Variants in FER observed in about 807,000 individuals in gnomAD.
The protein encoded by FER is FER tyrosine kinase.
FER carries 63 observed loss-of-function variants against 111.0 expected under a neutral mutation model. The observed-to-expected ratio is 0.57, with a 90% CI of 0.46 to 0.70. The LOEUF (loss-of-function observed/expected upper bound fraction) is 0.70, where lower values mean the gene tolerates loss of function less well. FER is among the 30% of genes least tolerant of loss of function. FER has a pLI of 0.00. For missense variants in FER, 914 were observed against 954.0 expected (o/e 0.96, Z 0.55); for synonymous variants, 327 against 313.9 (o/e 1.04, Z -0.44).
At position 109,191,655 on chromosome 5, in the gene FER, C is replaced by T. The variant is rs1759392527; in HGVS notation, c.*4080C>T. The stretch of plus-strand genomic sequence containing the variant: ...ATATTACATTTCCATTATACTAAGT[C>T]AGTGTGAAAGTTTACCATCAAAATA... On this transcript the variant is annotated 3_prime_UTR_variant, in exon 20 of 20. Transcript: ENST00000281092. The T allele has an allele frequency of 6.6e-6, 1 of 152,098 alleles. No individual in the cohort carries two copies. The highest frequency in any genetic ancestry group is 1.5e-5 in the Non-Finnish European group (1 of 68,000). 9.4% of individuals were successfully genotyped at this position (152,098 alleles called of 1,614,324 possible).
chr5:108,816,267 C>T lies in FER; in HGVS notation c.208-16503C>T, dbSNP rs558833632. Among the ~76,000 whole-genome samples, 8 of 152,320 alleles carry T rather than the reference C, an allele frequency of 5.3e-5. No homozygotes were observed. The South Asian group carries it at 6.2e-4, about 12-fold the overall frequency. On this transcript the variant is annotated intron_variant, in intron 3 of 19. Coordinates refer to ENST00000281092, the MANE Select transcript of FER (RefSeq NM_005246.4). ...AACTATAACTAGCTTAACCATGCTG[C>T]GTAGGAATACATAGTAGACACACAC... is the stretch of plus-strand genomic sequence containing the variant.
intron 17 of FER, among the ~76,000 whole-genome samples, chr5:109,167,159 C>T (rs1756639153): frequency 6.6e-6 from 1 of 152,076 alleles, no homozygotes; most frequent in African/African-American, 2.4e-5. Flanking sequence ...TAACAGAGGA[C>T]TTGTTATGAG....
chr5:108,833,015 G>A, intron 4 of FER, 72 bp downstream of exon 4: 1 of 1,372,402 alleles, frequency 7.3e-7, no homozygotes, highest in Non-Finnish European at 9.8e-7. Context: ...TACCTTATTT[G>A]GCTTTAAAAA....
chr5:108,883,618 A>C, intron 9 of FER, 100 bp downstream of exon 9: 1 of 1,066,736 alleles, frequency 9.4e-7, no homozygotes, highest in Admixed American at 3.1e-5. Flanking sequence ...TTCTAGAAAC[A>C]GAAACTTTTA....
Position 108,973,528 on chromosome 5 carries a change from A to G in FER, c.1656+14181A>G, listed in dbSNP as rs574240760. On this transcript the variant is annotated intron_variant, in intron 13 of 19. Coordinates refer to ENST00000281092, the MANE Select transcript of FER (RefSeq NM_005246.4). ...GTTATTTATGTAACAATTTGTATATATTAAAACTACACCAAAAATGGATTT... is the reference window on the plus strand; with the variant it reads ...GTTATTTATGTAACAATTTGTATATGTTAAAACTACACCAAAAATGGATTT... 6.6e-5 allele frequency among the ~76,000 whole-genome samples: 10 copies of G among 152,238 alleles called. No homozygotes were observed. The South Asian group carries it at 1.9e-3, about 28-fold the overall frequency.
At chr5:109,031,513 A>G (rs1581724800) in intron 13 of FER, among the ~76,000 whole-genome samples, 2 of 152,304 alleles carry the variant, frequency 1.3e-5, no homozygotes, top group East Asian at 3.9e-4. Context: ...AAAGGGTTAC[A>G]CAATAAAGAG....
intron 5 of FER, among the ~76,000 whole-genome samples, chr5:108,862,010 G>A (rs1763569475): frequency 6.6e-6 from 1 of 152,162 alleles, no homozygotes; most frequent in African/African-American, 2.4e-5. Flanking sequence ...GCATGCATAA[G>A]TATGCCTTAT....
At chr5:109,032,954 C>A (rs1045184613) in intron 13 of FER, among the ~76,000 whole-genome samples, 2 of 152,100 alleles carry the variant, frequency 1.3e-5, no homozygotes, top group African/African-American at 2.4e-5. Flanking sequence ...GCTTCAAGAT[C>A]AGGGAAATTT....
chr5:109,156,799 T>C (rs553414802), intron 17 of FER, among the ~76,000 whole-genome samples: 46 of 152,008 alleles, frequency 3.0e-4, no homozygotes, highest in Non-Finnish European at 6.5e-4. Flanking sequence ...TGAGTATGCA[T>C]AGCATGTAAC....
intron 13 of FER, among the ~76,000 whole-genome samples, chr5:108,963,316 A>T (rs1409594990): frequency 1.3e-5 from 2 of 152,138 alleles, no homozygotes; most frequent in Non-Finnish European, 2.9e-5. Context: ...TAATCCCAGG[A>T]CTTTGGGAGG....
At chr5:108,908,720 CAAAAAAAA>C (rs534004723) in intron 10 of FER, among the ~76,000 whole-genome samples, 1 of 69,634 alleles carries the variant, frequency 1.4e-5, no homozygotes, top group Non-Finnish European at 3.3e-5. Context: ...GACTCCGTCT[CAAAAAAAA>C]AAAAAAAAAA....
chr5:108,764,938 T>G (rs1209848042), intron 1 of FER, among the ~76,000 whole-genome samples: 1 of 152,208 alleles, frequency 6.6e-6, no homozygotes, highest in Non-Finnish European at 1.5e-5. Flanking sequence ...GGCACTTGCA[T>G]GATCCTGAGA....
Position 109,047,293 on chromosome 5 carries a change from C to G in FER, c.1924+95C>G, listed in dbSNP as rs1341084235. On this transcript the variant is annotated intron_variant, in intron 16 of 19. Transcript: ENST00000281092. ...TCTCTTTGATTTCTCCTCGTAAAGT[C>G]TCCAAGGATTTTGTTTAACATTTCC... 2.9e-6 allele frequency: 2 copies of G among 686,502 alleles called. 1 individual carries two copies. The highest frequency in any genetic ancestry group is 3.7e-5 in the African/African-American group (2 of 53,386). 42.5% of individuals were successfully genotyped at this position (686,502 alleles called of 1,614,324 possible). A position where few individuals can be genotyped will look rare whatever the true frequency, so the allele number is the denominator to read the frequency against.
rs556728542 is a variant in FER, at chr5:108,935,125, C to G, written c.1237-11005C>G. On this transcript the variant is annotated intron_variant, in intron 10 of 19. Transcript: ENST00000281092. Reference sequence around the variant, plus strand: ...TCTTTCTCAGCTATATATTAGTTGTCTAGGACCTCCATAAAAAATTACCAC... The same window carrying G: ...TCTTTCTCAGCTATATATTAGTTGTGTAGGACCTCCATAAAAAATTACCAC... 2.6e-5 allele frequency among the ~76,000 whole-genome samples: 4 copies of G among 152,130 alleles called. No individual in the cohort carries two copies. The South Asian group carries it at 8.3e-4, about 32-fold the overall frequency.
chr5:109,140,405 A>C (rs780687744), intron 17 of FER, among the ~76,000 whole-genome samples: 9 of 152,196 alleles, frequency 5.9e-5, no homozygotes, highest in Non-Finnish European at 1.3e-4. Flanking sequence ...TTTCATCTGC[A>C]TTCCATGGAA....
chr5:109,066,379 C>T (rs1477907139), intron 16 of FER, among the ~76,000 whole-genome samples: 1 of 151,948 alleles, frequency 6.6e-6, no homozygotes, highest in African/African-American at 2.4e-5. Context: ...TTTATATGTG[C>T]TTTTTTAAAA....
chr5:109,117,724 A>G (rs934203502), intron 17 of FER, among the ~76,000 whole-genome samples: 1 of 151,266 alleles, frequency 6.6e-6, no homozygotes, highest in Non-Finnish European at 1.5e-5. Context: ...GGTCCTTCAC[A>G]TCCCTTGTAA....
chr5:109,098,907 A>G (rs1747866714), intron 16 of FER, among the ~76,000 whole-genome samples: 1 of 151,730 alleles, frequency 6.6e-6, no homozygotes, highest in Admixed American at 6.6e-5. Flanking sequence ...GTTAGAAAAG[A>G]AGAGGATATT....
At chr5:109,092,542 T>C (rs757707475) in intron 16 of FER, among the ~76,000 whole-genome samples, 17 of 152,030 alleles carry the variant, frequency 1.1e-4, no homozygotes, top group Non-Finnish European at 1.6e-4. Flanking sequence ...GACAATGCAA[T>C]CAAAACCACA....
Sources: gnomAD v4.1 joint callset for allele counts (sites outside exome capture counted in the v4.1 genomes callset) on GRCh38, gnomAD v4.1.1 for gene constraint, MANE v1.5 for transcripts, NCBI Gene and HGNC (gene_info 2026-07-23, HGNC 2026-07-21) for gene names.